SCG3: variants seen among roughly 807,000 people sequenced by gnomAD.
SCG3 encodes the protein secretogranin-3.
A neutral mutation model predicts 56.2 loss-of-function variants in SCG3; 38 were observed. That is an observed-to-expected ratio of 0.68 (90% CI 0.52 to 0.89). The LOEUF is 0.89. SCG3 is among the 40% of genes least tolerant of loss of function. SCG3 has a pLI of 0.00. For missense variants in SCG3, 524 were observed against 540.7 expected (o/e 0.97, Z 0.31); for synonymous variants, 176 against 184.2 (o/e 0.96, Z 0.36).
chr15:51,716,615 GCAA>G lies in SCG3; in HGVS notation c.1289-2789_1289-2787del, dbSNP rs369640079. Among the ~76,000 whole-genome samples, 23 of 152,238 alleles carry G rather than the reference GCAA, an allele frequency of 1.5e-4. No homozygotes were observed. The South Asian group carries it at 4.6e-3, about 30-fold the overall frequency. ...ATGCTTACCCATGAGTGTGGAAAAA[GCAA>G]CAATGTGCTTTCTCCTGTTCTCTCA... On this transcript the variant is annotated intron_variant, in intron 11 of 11. Coordinates refer to ENST00000220478, the MANE Select transcript of SCG3 (RefSeq NM_013243.4).
chr15:51,708,775 C>T (rs2055392193), intron 10 of SCG3, among the ~76,000 whole-genome samples: 1 of 151,868 alleles, frequency 6.6e-6, no homozygotes, highest in African/African-American at 2.4e-5. Context: ...AGGAGAATGG[C>T]GTAAATCCGG....
At chr15:51,719,382 C>T (rs1253032580) in intron 11 of SCG3, 26 bp from the exon 12 acceptor site, 1 of 1,540,182 alleles carries the variant, frequency 6.5e-7, no homozygotes, top group Middle Eastern at 1.7e-4. Context: ...GATCTTTGCT[C>T]ATTATGCTCT....
intron 10 of SCG3, among the ~76,000 whole-genome samples, chr15:51,712,551 C>T (rs1164959350): frequency 6.6e-6 from 1 of 152,174 alleles, no homozygotes; most frequent in Non-Finnish European, 1.5e-5. Flanking sequence ...CAAATGCCAG[C>T]TGTTATTTCC....
chr15:51,700,550 G>T (rs1227574061), intron 9 of SCG3, among the ~76,000 whole-genome samples: 1 of 152,132 alleles, frequency 6.6e-6, no homozygotes, highest in Non-Finnish European at 1.5e-5. Context: ...CGAATTTAGG[G>T]TTCCTAGGGG....
At chr15:51,704,244 C>CATACATACAT (rs751546589) in intron 10 of SCG3, among the ~76,000 whole-genome samples, 247 of 73,626 alleles carry the variant, frequency 3.4e-3, no homozygotes, top group Non-Finnish European at 4.6e-3. Context: ...TACATACATA[C>CATACATACAT]ATATATATAT....
At position 51,695,973 on chromosome 15, in the gene SCG3, G is replaced by T; in HGVS notation, c.967G>T (p.Glu323Ter). 6.3e-7 allele frequency: 1 copy of T among 1,595,204 alleles called. No individual in the cohort carries two copies. The highest frequency in any genetic ancestry group is 8.6e-7 in the Non-Finnish European group (1 of 1,163,138). The change falls in exon 8 of 12, where the codon GAA becomes TAA. Residue 323 changes from glutamate (E) to a stop codon, truncating the protein, a stop_gained. Coordinates refer to ENST00000220478, the MANE Select transcript of SCG3 (RefSeq NM_013243.4). LOFTEE classifies it high-confidence loss of function. The stretch of plus-strand genomic sequence containing the variant: ...GAAATATGGAACAATATCTCCAGAA[G>T]AAGGTGTTTCCTACCTTGGTGAGAT... ...MVKYGTISPE[E>*]GVSYLENLDE...
At chr15:51,694,286 C>T (rs1349041826) in intron 7 of SCG3, among the ~76,000 whole-genome samples, 1 of 152,176 alleles carries the variant, frequency 6.6e-6, no homozygotes, top group Non-Finnish European at 1.5e-5. Flanking sequence ...CAGAACATAG[C>T]TTCATGTGAG....
chr15:51,686,115 C>G (rs970811728), intron 4 of SCG3, among the ~76,000 whole-genome samples: 20 of 152,322 alleles, frequency 1.3e-4, no homozygotes, highest in African/African-American at 4.6e-4. Context: ...GTTGTGGCTA[C>G]TTAACAAAAG....
At chr15:51,718,379 ATAAGCCCTGT>A (rs1239323009) in intron 11 of SCG3, among the ~76,000 whole-genome samples, 4 of 152,192 alleles carry the variant, frequency 2.6e-5, no homozygotes, top group Non-Finnish European at 5.9e-5. Flanking sequence ...CAGAGAGGAT[ATAAGCCCTGT>A]CTAAGCCTCA....
intron 7 of SCG3, among the ~76,000 whole-genome samples, chr15:51,692,791 T>C (rs1225952114): frequency 1.3e-5 from 2 of 152,228 alleles, no homozygotes; most frequent in African/African-American, 4.8e-5. Flanking sequence ...TTTTGGTACA[T>C]TTATACATTG....
chr15:51,697,821 G>A (rs2055313599), intron 8 of SCG3, among the ~76,000 whole-genome samples: 1 of 152,074 alleles, frequency 6.6e-6, no homozygotes, highest in African/African-American at 2.4e-5. Flanking sequence ...ATACATATAT[G>A]TATTATGTGT....
At chr15:51,701,952 G>A (rs2141571842) in intron 10 of SCG3, among the ~76,000 whole-genome samples, 1 of 152,164 alleles carries the variant, frequency 6.6e-6, no homozygotes, top group Middle Eastern at 3.4e-3. Context: ...GGGGGATGGG[G>A]GAGGATTAGA....
intron 7 of SCG3, among the ~76,000 whole-genome samples, chr15:51,694,576 A>G (rs1432663919): frequency 6.6e-6 from 1 of 152,228 alleles, no homozygotes; most frequent in Non-Finnish European, 1.5e-5. Flanking sequence ...CTCAAAGAAT[A>G]GGGAAAATGG....
At chr15:51,696,803 G>A (rs549117093) in intron 8 of SCG3, among the ~76,000 whole-genome samples, 1 of 152,264 alleles carries the variant, frequency 6.6e-6, no homozygotes. Flanking sequence ...GCACCAAGGA[G>A]ATGGTGCTAA....
chr15:51,691,259 C>G (rs1283747478), intron 6 of SCG3, among the ~76,000 whole-genome samples: 1 of 152,160 alleles, frequency 6.6e-6, no homozygotes, highest in Non-Finnish European at 1.5e-5. Flanking sequence ...CAGGCCAGAC[C>G]ATGCAGCGCC....
In SCG3 at chr15:51,711,239, GC is replaced by G. The variant is rs1279236334; in HGVS notation, c.1208-2090del. On this transcript the variant is annotated intron_variant, in intron 10 of 11. Coordinates refer to ENST00000220478, the MANE Select transcript of SCG3 (RefSeq NM_013243.4). ...GGAGGCATGAGAGTGGGTAATGTTT[GC>G]CCCACGATGGCGAAAACTTCATTTG... Among the ~76,000 whole-genome samples, 66 of 152,166 alleles carry G rather than the reference GC, an allele frequency of 4.3e-4. 1 individual carries two copies. Among genetic ancestry groups the G allele is most frequent in the Admixed American group, 4.3e-3 (65 of 15,284 alleles).
At chr15:51,685,038 A>T (rs2055219597) in intron 4 of SCG3, among the ~76,000 whole-genome samples, 1 of 152,206 alleles carries the variant, frequency 6.6e-6, no homozygotes, top group Admixed American at 6.5e-5. Context: ...TATGTTGATT[A>T]TCTCTGCCAG....
rs557583798 is a variant in SCG3 at position 51,681,999 on chromosome 15, C to T, written c.82+162C>T. On this transcript the variant is annotated intron_variant, in intron 1 of 11. Coordinates refer to ENST00000220478, the MANE Select transcript of SCG3 (RefSeq NM_013243.4). Reference sequence around the variant, plus strand: ...TCAGTTCGAATTTAGAGACAGAAGACAGATTTTTTTTCTTCACTTTTAAAA... The same window carrying T: ...TCAGTTCGAATTTAGAGACAGAAGATAGATTTTTTTTCTTCACTTTTAAAA... 4.6e-5 allele frequency among the ~76,000 whole-genome samples: 7 copies of T among 152,158 alleles called. No homozygotes were observed. The South Asian group carries it at 1.5e-3, about 32-fold the overall frequency.
At chr15:51,704,976 T>C (rs1295799125) in intron 10 of SCG3, among the ~76,000 whole-genome samples, 1 of 151,850 alleles carries the variant, frequency 6.6e-6, no homozygotes, top group Non-Finnish European at 1.5e-5. Flanking sequence ...CTCTACATCC[T>C]TGCCTAGACT....
Sources: gnomAD v4.1 joint callset for allele counts (sites outside exome capture counted in the v4.1 genomes callset) on GRCh38, gnomAD v4.1.1 for gene constraint, MANE v1.5 for transcripts, NCBI Gene and HGNC (gene_info 2026-07-23, HGNC 2026-07-21) for gene names.